The following SYNE1 variants were observed in gnomAD, a reference collection of about 807,000 sequenced individuals.
SYNE1 encodes the protein spectrin repeat containing nuclear envelope protein 1.
In SYNE1, 616 loss-of-function variants were observed where a neutral mutation model predicts 1,111.0. The ratio of observed to expected loss-of-function variants is 0.55; its 90% CI spans 0.52 to 0.59. The LOEUF (loss-of-function observed/expected upper bound fraction) is 0.59, where lower values mean the gene tolerates loss of function less well. Among genes scored for constraint, SYNE1 ranks in the 20% least tolerant of loss-of-function variants. The pLI, the probability that SYNE1 is intolerant of heterozygous loss-of-function variation, is 0.00. For missense variants in SYNE1, 10,006 were observed against 10,417.0 expected, an observed-to-expected ratio of 0.96 and a Z score of 1.72; for synonymous variants, 3,855 against 3,825.8, an observed-to-expected ratio of 1.01 and a Z score of -0.28.
At chr6:152,263,653 C>T (rs1392984662) in intron 100 of SYNE1, among the ~76,000 whole-genome samples, 1 of 151,950 alleles carries the variant, frequency 6.6e-6, no homozygotes, top group Non-Finnish European at 1.5e-5. Flanking sequence ...CCTGCCTCAG[C>T]CTCCCAAATT....
chr6:152,462,468 C>T, intron 20 of SYNE1: 2 of 577,602 alleles, frequency 3.5e-6, no homozygotes, highest in South Asian at 2.3e-5. Context: ...CTATAGATGT[C>T]TCCTGTTTTT....
chr6:152,278,034 A>G, intron 98 of SYNE1, 55 bp downstream of exon 98: 1 of 1,592,612 alleles, frequency 6.3e-7, no homozygotes, highest in East Asian at 2.2e-5. Flanking sequence ...CCTTAGAAGG[A>G]GCACGTGAAC....
intron 73 of SYNE1, among the ~76,000 whole-genome samples, chr6:152,345,161 T>A (rs1384296394): frequency 6.6e-6 from 1 of 152,232 alleles, no homozygotes; most frequent in Non-Finnish European, 1.5e-5. Flanking sequence ...AAGTTCTGAT[T>A]ATGTTCTTAG....
intron 6 of SYNE1, among the ~76,000 whole-genome samples, chr6:152,515,231 A>AG (rs2099105841): frequency 1.3e-5 from 2 of 151,942 alleles, no homozygotes; most frequent in African/African-American, 4.8e-5. Context: ...CAAAAAAAAA[A>AG]AAGAAAAGAA....
At chr6:152,472,871 G>A (rs903118256) in intron 14 of SYNE1, among the ~76,000 whole-genome samples, 9 of 152,076 alleles carry the variant, frequency 5.9e-5, no homozygotes, top group Admixed American at 5.9e-4. Context: ...ATTATAAAGT[G>A]GTATTTGCTT....
chr6:152,297,152 C>T (rs2153797367), intron 93 of SYNE1, among the ~76,000 whole-genome samples: 1 of 152,178 alleles, frequency 6.6e-6, no homozygotes, highest in Admixed American at 6.5e-5. Flanking sequence ...GTCTCATTTC[C>T]CCCTCTCCTC....
At chr6:152,544,998 C>A (rs79586559) in intron 3 of SYNE1, among the ~76,000 whole-genome samples, 8,004 of 152,120 alleles carry the variant, frequency 0.053, 735 homozygotes, top group African/African-American at 0.18. Context: ...ATGACCACTG[C>A]CTTTTAAATA....
intron 139 of SYNE1, among the ~76,000 whole-genome samples, chr6:152,140,655 C>T (rs929702768): frequency 7.9e-5 from 12 of 151,880 alleles, no homozygotes; most frequent in African/African-American, 2.9e-4. Flanking sequence ...CACAGCGAGA[C>T]TTCATCTCAA....
intron 97 of SYNE1, among the ~76,000 whole-genome samples, chr6:152,279,391 C>A (rs149258945): frequency 0.012 from 1,882 of 151,642 alleles, 26 homozygotes; most frequent in Middle Eastern, 0.027. Context: ...AGAAAAGATA[C>A]TTCATTTCCC....
At chr6:152,566,770 G>C (rs762118676) in intron 3 of SYNE1, among the ~76,000 whole-genome samples, 6 of 152,090 alleles carry the variant, frequency 3.9e-5, no homozygotes, top group East Asian at 3.9e-4. Flanking sequence ...AGTTGTAAGA[G>C]TGACTTCCAT....
intron 87 of SYNE1, among the ~76,000 whole-genome samples, chr6:152,312,456 C>T (rs2153857304): frequency 6.6e-6 from 1 of 151,070 alleles, no homozygotes; most frequent in African/African-American, 2.4e-5. Flanking sequence ...ATCCGCCAGC[C>T]TCGGTCCCCC....
chr6:152,338,464 G>A (rs987871319), intron 75 of SYNE1, among the ~76,000 whole-genome samples: 1 of 151,720 alleles, frequency 6.6e-6, no homozygotes, highest in African/African-American at 2.4e-5. Flanking sequence ...TCTACAAAAA[G>A]TATAAAAATT....
At chr6:152,188,985 ATATATATATAT>A (rs1327261047) in intron 128 of SYNE1, among the ~76,000 whole-genome samples, 16 of 14,804 alleles carry the variant, frequency 1.1e-3, no homozygotes, top group African/African-American at 3.6e-3. Context: ...AAAAAAAAAA[ATATATATATAT>A]ATATATATAT....
chr6:152,286,042 C>T (rs2094308457), intron 95 of SYNE1, among the ~76,000 whole-genome samples: 1 of 152,198 alleles, frequency 6.6e-6, no homozygotes, highest in African/African-American at 2.4e-5. Flanking sequence ...GGACTGGAGG[C>T]TTCACTGTAA....
intron 92 of SYNE1, 46 bp downstream of exon 92, chr6:152,301,823 G>C: frequency 6.4e-7 from 1 of 1,558,868 alleles, no homozygotes; most frequent in Non-Finnish European, 8.7e-7. Flanking sequence ...CCACTCGCCA[G>C]GCTCCAGTCA....
intron 3 of SYNE1, among the ~76,000 whole-genome samples, chr6:152,602,288 A>C (rs1440425783): frequency 6.6e-6 from 1 of 152,152 alleles, no homozygotes; most frequent in Non-Finnish European, 1.5e-5. Flanking sequence ...TAGTGTCCTC[A>C]GAAAGAGGGG....
Position 152,275,282 on chromosome 6 carries a change from TA to T in SYNE1, c.18573+2806del, listed in dbSNP as rs199763849. 5.4e-3 allele frequency among the ~76,000 whole-genome samples: 787 copies of T among 145,986 alleles called. 3 individuals carry two copies. The highest frequency in any genetic ancestry group is 0.022 in the East Asian group (112 of 5,058). On this transcript the variant is annotated intron_variant, in intron 98 of 145. Transcript: ENST00000367255. ...GCAAAGGTTTTCCCTATCCTAAGAT[TA>T]AAAAAAAAAAATCATACATTGAGTA...
chr6:152,253,208 T>C (rs954512067), intron 104 of SYNE1, among the ~76,000 whole-genome samples: 8 of 152,266 alleles, frequency 5.3e-5, no homozygotes, highest in Admixed American at 3.3e-4. Flanking sequence ...CACCCTAATA[T>C]GATAAAATAC....
chr6:152,302,803 ATTGT>A (rs1260730791), intron 91 of SYNE1, among the ~76,000 whole-genome samples: 1 of 152,176 alleles, frequency 6.6e-6, no homozygotes, highest in African/African-American at 2.4e-5. Flanking sequence ...TGAAAAAATA[ATTGT>A]TTTTTTGTTT....
Sources: gnomAD v4.1 joint callset for allele counts (sites outside exome capture counted in the v4.1 genomes callset) on GRCh38, gnomAD v4.1.1 for gene constraint, MANE v1.5 for transcripts, NCBI Gene and HGNC (gene_info 2026-07-23, HGNC 2026-07-21) for gene names.